Variants in LPAR6 observed in about 807,000 individuals in gnomAD.
LPAR6 encodes the protein lysophosphatidic acid receptor 6, also known as G-protein coupled purinergic receptor P2Y5.
A neutral mutation model predicts 22.0 loss-of-function variants in LPAR6; 17 were observed. The observed-to-expected ratio is 0.77, with a 90% CI of 0.53 to 1.16. The LOEUF is 1.16. Among genes scored for constraint, LPAR6 ranks in the 50% most tolerant of loss-of-function variants. The pLI is 0.00. For missense variants in LPAR6, 384 were observed against 406.9 expected (o/e 0.94, Z 0.48); for synonymous variants, 136 against 139.8 (o/e 0.97, Z 0.19).
chr13:48,425,264 T>A (rs577402644), intron 1 of LPAR6, among the ~76,000 whole-genome samples: 1 of 152,168 alleles, frequency 6.6e-6, no homozygotes, highest in Non-Finnish European at 1.5e-5. Flanking sequence ...GGTAATAATG[T>A]CCCATTAATA....
chr13:48,444,016 A>C (rs926692053), intron 1 of LPAR6, among the ~76,000 whole-genome samples: 1 of 152,150 alleles, frequency 6.6e-6, no homozygotes, highest in African/African-American at 2.4e-5. Flanking sequence ...CACACTAAGC[A>C]GCAGATACCA....
At chr13:48,394,921 T>TG (rs774872641) in intron 1 of LPAR6, among the ~76,000 whole-genome samples, 17 of 152,214 alleles carry the variant, frequency 1.1e-4, no homozygotes, top group Non-Finnish European at 1.6e-4. Flanking sequence ...TCTCCTCAAG[T>TG]GGGTCCCTGA....
intron 1 of LPAR6, among the ~76,000 whole-genome samples, chr13:48,436,536 G>A (rs569358742): frequency 2.0e-5 from 3 of 151,944 alleles, no homozygotes; most frequent in South Asian, 2.1e-4. Flanking sequence ...CCAGCTACTC[G>A]GGAGGCTGAG....
intron 1 of LPAR6, among the ~76,000 whole-genome samples, chr13:48,392,631 G>C (rs1021251127): frequency 1.3e-4 from 20 of 151,810 alleles, no homozygotes; most frequent in Non-Finnish European, 2.8e-4. Context: ...TTTTTATTAT[G>C]TTTATGCTTT....
At chr13:48,418,453 C>T (rs1300554390) in intron 2 of LPAR6, among the ~76,000 whole-genome samples, 1 of 152,164 alleles carries the variant, frequency 6.6e-6, no homozygotes, top group Non-Finnish European at 1.5e-5. Flanking sequence ...ACCATTGACA[C>T]TATGAAGAAA....
At chr13:48,415,342 C>T (rs775419034), upstream of LPAR6, among the ~76,000 whole-genome samples, 72 of 150,494 alleles carry the variant, frequency 4.8e-4, no homozygotes, top group African/African-American at 1.7e-3. Context: ...TGCAGTGGTG[C>T]GATCTTGTCT....
At chr13:48,410,201 C>G (rs1164022852), downstream of LPAR6, among the ~76,000 whole-genome samples, 3 of 152,274 alleles carry the variant, frequency 2.0e-5, no homozygotes, top group East Asian at 5.8e-4. Context: ...GCATTTTGGT[C>G]AATGACCGCA....
At chr13:48,394,672 G>T (rs527295331) in intron 1 of LPAR6, among the ~76,000 whole-genome samples, 29 of 152,324 alleles carry the variant, frequency 1.9e-4, no homozygotes, top group Middle Eastern at 6.8e-3. Flanking sequence ...CCCTAAATCC[G>T]CTGTAGCCAG....
chr13:48,411,318 G>GTT lies in LPAR6; in HGVS notation c.*70_*71insAA. The GTT allele has an allele frequency of 8.0e-7, 1 of 1,245,426 alleles. No individual in the cohort carries two copies. The highest frequency in any genetic ancestry group is 2.3e-5 in the East Asian group (1 of 43,130). The allele number at this position is 1,245,426 out of a possible 1,614,324, so 77.1% of individuals were successfully genotyped here. The stretch of plus-strand genomic sequence containing the variant: ...TCTTTTGGAGGTGGAAAAATAGTTT[G>GTT]TCCAAAAAGACACTTTTCACAGTTG... On this transcript the variant is annotated 3_prime_UTR_variant, in exon 1 of 1. Transcript: ENST00000620633.
chr13:48,395,921 A>T (rs1364813340), intron 1 of LPAR6, among the ~76,000 whole-genome samples: 1 of 152,186 alleles, frequency 6.6e-6, no homozygotes, highest in African/African-American at 2.4e-5. Flanking sequence ...ACCCCAGGAC[A>T]TATAATCGTC....
In LPAR6 at chr13:48,411,610, T is replaced by C. The variant is rs1376984262; in HGVS notation, c.814A>G (p.Met272Val). ...GCAATACAGAGAGTGATTGGGTACA[T>C]TGTCCTTACTGCTGCCACTACTGAG... ...NCSVVAAVRT[M>V]YPITLCIAVS... is the part of the protein sequence containing the mutation. The change falls in exon 1 of 1, where the codon ATG (methionine) becomes GTG (valine). Residue 272 changes from methionine (M) to valine (V), a missense_variant. Met to Val is a conservative substitution (Grantham distance 21). Coordinates refer to ENST00000620633, the MANE Select transcript of LPAR6 (RefSeq NM_001162498.3). 6.2e-6 allele frequency: 10 copies of C among 1,612,228 alleles called. No individual in the cohort carries two copies. In the South Asian group the frequency reaches 7.7e-5, roughly 12 times the overall value.
chr13:48,444,649 G>A (rs9595909), exon 1 of LPAR6: 9,023 of 152,368 alleles, frequency 0.059, 599 homozygotes, highest in African/African-American at 0.16. Flanking sequence ...CCCTCTGGGG[G>A]CCACACCCTC....
chr13:48,400,444 A>G (rs1431254959), intron 1 of LPAR6, among the ~76,000 whole-genome samples: 1 of 152,034 alleles, frequency 6.6e-6, no homozygotes, highest in Admixed American at 6.6e-5. Context: ...TTTAGTGTAT[A>G]TTAGTTTACT....
intron 1 of LPAR6, among the ~76,000 whole-genome samples, chr13:48,442,913 C>T (rs539920868): frequency 3.3e-5 from 5 of 152,162 alleles, no homozygotes; most frequent in Non-Finnish European, 2.9e-5. Context: ...CACAAAGTAA[C>T]TTAGTTTAAA....
At chr13:48,403,914 T>C (rs866683615) in intron 1 of LPAR6, among the ~76,000 whole-genome samples, 1 of 152,086 alleles carries the variant, frequency 6.6e-6, no homozygotes, top group South Asian at 2.1e-4. Context: ...GGAGGGAGGA[T>C]TGCTTGAGCC....
At chr13:48,433,959 A>G (rs1168899975) in intron 1 of LPAR6, among the ~76,000 whole-genome samples, 1 of 151,774 alleles carries the variant, frequency 6.6e-6, no homozygotes. Context: ...CCTGGACTCA[A>G]GTTATTCTCC....
Position 48,412,310 on chromosome 13 carries a change from G to A in LPAR6, c.114C>T (p.Ala38=), listed in dbSNP as rs767931535. ...TGAGGACGCAGATGAAAATGTATAT[G>A]GCAACACAATTGGATATTAACCCAA... The part of the protein sequence containing the change: ...FVLGLISNCV[A]IYIFICVLKV... Residue 38 remains alanine, a synonymous_variant, in exon 1 of 1, where the codon GCC becomes GCT. Coordinates refer to ENST00000620633, the MANE Select transcript of LPAR6 (RefSeq NM_001162498.3). The A allele has an allele frequency of 5.0e-6, 8 of 1,612,842 alleles. No homozygotes were observed. Among genetic ancestry groups the A allele is most frequent in the Non-Finnish European group, 6.8e-6 (8 of 1,178,990 alleles).
chr13:48,406,453 TATAA>T (rs1394548109), downstream of LPAR6: 1 of 152,212 alleles, frequency 6.6e-6, no homozygotes, highest in Non-Finnish European at 1.5e-5. Context: ...CTTTAAATTG[TATAA>T]ATATAGTTCT....
At chr13:48,421,012 C>T (rs1334432026) in intron 2 of LPAR6, among the ~76,000 whole-genome samples, 1 of 152,104 alleles carries the variant, frequency 6.6e-6, no homozygotes, top group Non-Finnish European at 1.5e-5. Context: ...CATTGACTTC[C>T]TTTATAAAAT....
Sources: allele counts gnomAD v4.1 joint callset (sites outside exome capture counted in the v4.1 genomes callset), GRCh38; gene constraint gnomAD v4.1.1; transcripts MANE v1.5; gene names NCBI Gene and HGNC (gene_info 2026-07-23, HGNC 2026-07-21).